ZNF232: variants seen among roughly 807,000 people sequenced by gnomAD.
ZNF232 encodes zinc finger and SCAN domain-containing protein 11.
ZNF232 carries 25 observed loss-of-function variants against 25.2 expected under a neutral mutation model. The ratio of observed to expected loss-of-function variants is 0.99; its 90% CI spans 0.72 to 1.39. The LOEUF (loss-of-function observed/expected upper bound fraction) is 1.39. Among genes scored for constraint, ZNF232 ranks in the 40% most tolerant of loss-of-function variants. ZNF232 has a pLI of 0.00. For synonymous variants in ZNF232, 193 were observed against 182.9 expected, an observed-to-expected ratio of 1.06 and a Z score of -0.45; for missense variants, 519 against 520.9, an observed-to-expected ratio of 1.00 and a Z score of 0.04.
intron 3 of ZNF232, among the ~76,000 whole-genome samples, chr17:5,107,543 C>CTT (rs563790270): frequency 0.016 from 2,261 of 143,424 alleles, 79 homozygotes; most frequent in African/African-American, 0.055. Context: ...GGTCATTTGA[C>CTT]TTTTTTTTTT....
At chr17:5,114,752 C>T (rs559759338), upstream of ZNF232, 11 of 152,342 alleles carry the variant, frequency 7.2e-5, no homozygotes, top group East Asian at 1.9e-3. Context: ...ATTACTTGAA[C>T]CTGGGAGGTG....
rs546530932 is a variant in ZNF232, at chr17:5,109,044, G to C, written c.507C>G (p.Gly169=). 4.3e-6 allele frequency: 7 copies of C among 1,614,014 alleles called. No homozygotes were observed. In the African/African-American group the frequency reaches 5.3e-5, roughly 12 times the overall value. The change falls in exon 3 of 4, where the codon GGC becomes GGG. Residue 169 remains glycine (G), a synonymous_variant. Transcript: ENST00000575898. ...CTTCCTGTGCAGGTCCATGTGCAGG[G>C]CCTGGGACCTGGAGGTGATCAGGCA...
chr17:5,107,749 TG>T (rs2072296523), intron 3 of ZNF232, among the ~76,000 whole-genome samples: 1 of 152,198 alleles, frequency 6.6e-6, no homozygotes, highest in Admixed American at 6.5e-5. Context: ...TTGGCCAGGC[TG>T]GTCTTGAACT....
At chr17:5,105,813 T>A in exon 4 of ZNF232, 1 of 1,559,984 alleles carries the variant, frequency 6.4e-7, no homozygotes, top group South Asian at 1.2e-5. Context: ...GGAGACGTTC[T>A]CCCCTTCAAT....
At chr17:5,112,438 T>G (rs2072439427), upstream of ZNF232, 1 of 151,918 alleles carries the variant, frequency 6.6e-6, no homozygotes, top group Non-Finnish European at 1.5e-5. Context: ...TGTTTTTTTG[T>G]TGTTGTTATT....
intron 1 of ZNF232, among the ~76,000 whole-genome samples, chr17:5,110,703 G>C (rs1040940903): frequency 1.3e-5 from 2 of 152,190 alleles, no homozygotes; most frequent in Non-Finnish European, 2.9e-5. Flanking sequence ...CTCGGGTACA[G>C]TGGCCTGCGT....
At chr17:5,112,684 C>G (rs980344454), upstream of ZNF232, among the ~76,000 whole-genome samples, 4 of 151,832 alleles carry the variant, frequency 2.6e-5, no homozygotes, top group Non-Finnish European at 4.4e-5. Flanking sequence ...GATCTCCTGA[C>G]CTCGTGATCC....
chr17:5,109,964 A>C, intron 1 of ZNF232, 96 bp from the exon 2 acceptor site: 9 of 1,208,284 alleles, frequency 7.4e-6, no homozygotes, highest in South Asian at 1.6e-5. Context: ...ATCTCAGCTC[A>C]CTGCAACCTC....
upstream of ZNF232, chr17:5,112,082 G>A (rs2072430522): frequency 3.5e-6 from 2 of 569,510 alleles, no homozygotes; most frequent in African/African-American, 3.9e-5. Flanking sequence ...AGGCCCCTGG[G>A]AATTGCAGTC....
intron 1 of ZNF232, among the ~76,000 whole-genome samples, chr17:5,119,055 C>T (rs1412229003): frequency 6.6e-6 from 1 of 152,192 alleles, no homozygotes; most frequent in African/African-American, 2.4e-5. Context: ...GGGCCTGCCA[C>T]ATCTGCTTAG....
exon 4 of ZNF232, chr17:5,105,790 T>G: frequency 6.6e-7 from 1 of 1,521,730 alleles, no homozygotes; most frequent in Non-Finnish European, 8.8e-7. Flanking sequence ...TAGACCGATG[T>G]AGAATTCTGT....
chr17:5,116,488 C>G (rs1452901640), upstream of ZNF232: 1 of 152,264 alleles, frequency 6.6e-6, no homozygotes, highest in African/African-American at 2.4e-5. Context: ...GTCACTGAGC[C>G]GACGAAAGGG....
exon 1 of ZNF232, chr17:5,111,822 T>G: frequency 6.2e-7 from 1 of 1,613,834 alleles, no homozygotes; most frequent in Non-Finnish European, 8.5e-7. Flanking sequence ...GGAGGTTCCA[T>G]CGGGGCGCTG....
Position 5,111,624 on chromosome 17 carries a change from G to T in ZNF232, c.23+176C>A. On this transcript the variant is annotated intron_variant, in intron 1 of 3. Transcript: ENST00000575898. Reference sequence around the variant, plus strand: ...ATCAAGACCCCCCTCCACGGCACGTGACGCGACGCAACGCAGGTAGCGCAG... The same window carrying T: ...ATCAAGACCCCCCTCCACGGCACGTTACGCGACGCAACGCAGGTAGCGCAG... 6 of 886,610 alleles carry T rather than the reference G, an allele frequency of 6.8e-6. No homozygotes were observed. The South Asian group carries it at 8.3e-5, about 12-fold the overall frequency. 54.9% of individuals were successfully genotyped at this position (886,610 alleles called of 1,614,324 possible).
At chr17:5,115,814 C>CT (rs2072521784), upstream of ZNF232, among the ~76,000 whole-genome samples, 1 of 152,234 alleles carries the variant, frequency 6.6e-6, no homozygotes, top group African/African-American at 2.4e-5. Context: ...CATGCGCGGA[C>CT]TGGCGGTCCA....
chr17:5,106,345 T>C lies in ZNF232; in HGVS notation c.787A>G (p.Lys263Glu), dbSNP rs749391865. ...GGGGACCACCTCAGTCTCTCCGCTT[T>C]GGGATTTCTCTGCTGCAGTTCTAAG... Residue 263 changes from lysine (K) to glutamate (E), a missense_variant, in exon 4 of 4, where the codon AAA (lysine) becomes GAA (glutamate). Transcript: ENST00000575898. The C allele has an allele frequency of 3.7e-6, 6 of 1,614,204 alleles. No homozygotes were observed. Among genetic ancestry groups the C allele is most frequent in the East Asian group, 2.2e-5 (1 of 44,882 alleles).
chr17:5,115,537 C>A (rs1160245363), upstream of ZNF232, among the ~76,000 whole-genome samples: 1 of 128,408 alleles, frequency 7.8e-6, no homozygotes, highest in Non-Finnish European at 1.6e-5. Context: ...GGCAACAGAG[C>A]AAGACTCCGT....
At chr17:5,116,454 G>C (rs2072541955), upstream of ZNF232, 1 of 152,338 alleles carries the variant, frequency 6.6e-6, no homozygotes, top group South Asian at 2.1e-4. Context: ...GTCTCGTGTG[G>C]TGTCTGAGGG....
intron 1 of ZNF232, chr17:5,120,820 CAT>C (rs375384563): frequency 2.6e-5 from 12 of 452,968 alleles, no homozygotes; most frequent in Middle Eastern, 6.9e-4. Flanking sequence ...GGTGTGCACA[CAT>C]GTGGGCACAT....
Sources: allele counts gnomAD v4.1 joint callset (sites outside exome capture counted in the v4.1 genomes callset), GRCh38; gene constraint gnomAD v4.1.1; transcripts MANE v1.5; gene names NCBI Gene and HGNC (gene_info 2026-07-23, HGNC 2026-07-21).